Variants in BEND2 observed in about 807,000 individuals in gnomAD.
BEND2 encodes the protein BEN domain-containing protein 2.
BEND2 carries 19 observed loss-of-function variants against 43.8 expected under a neutral mutation model. The ratio of observed to expected loss-of-function variants is 0.43; its 90% CI spans 0.30 to 0.64. The LOEUF (loss-of-function observed/expected upper bound fraction) is 0.64. Ranked by LOEUF, BEND2 falls within the 30% of genes least tolerant of loss-of-function variation. The pLI is 0.11. For synonymous variants in BEND2, 226 were observed against 210.1 expected, an observed-to-expected ratio of 1.08 and a Z score of -0.66; for missense variants, 544 against 574.0, an observed-to-expected ratio of 0.95 and a Z score of 0.53.
At chrX:18,186,838 G>A (rs977549909) in intron 8 of BEND2, among the ~76,000 whole-genome samples, 1 of 108,878 alleles carries the variant, frequency 9.2e-6, no homozygotes, top group African/African-American at 3.3e-5. Context: ...ATGGGGACAC[G>A]TGCCTGTAGT....
At chrX:18,200,783 G>A (rs1327093415) in intron 6 of BEND2, among the ~76,000 whole-genome samples, 1 of 111,790 alleles carries the variant, frequency 8.9e-6, no homozygotes, top group African/African-American at 3.3e-5. Flanking sequence ...CATCATTGCA[G>A]TGATAGAAAC....
At chrX:18,194,972 A>AACACACACACAC (rs201244726) in intron 7 of BEND2, among the ~76,000 whole-genome samples, 62 of 99,329 alleles carry the variant, frequency 6.2e-4, no homozygotes, top group African/African-American at 2.1e-3. Context: ...CATAGTACTA[A>AACACACACACAC]ACACACACAC....
intron 13 of BEND2, among the ~76,000 whole-genome samples, chrX:18,165,449 TC>T (rs1385416904): frequency 9.0e-6 from 1 of 111,665 alleles, no homozygotes; most frequent in African/African-American, 3.3e-5. Context: ...AGCAACAATC[TC>T]CCATGACCTT....
chrX:18,166,867 G>C (rs1443951700), intron 13 of BEND2, among the ~76,000 whole-genome samples: 2 of 110,931 alleles, frequency 1.8e-5, no homozygotes, highest in Non-Finnish European at 3.8e-5. Context: ...TCCAGCCTGG[G>C]CAACGGGAAT....
intron 6 of BEND2, 90 bp from the exon 7 acceptor site, chrX:18,195,532 G>A (rs1231993554): frequency 4.5e-6 from 4 of 895,529 alleles, no homozygotes; most frequent in Middle Eastern, 3.7e-4. Context: ...TTTCTCGAAC[G>A]AAAGAAAACT....
At chrX:18,183,206 C>T (rs1240987133) in intron 8 of BEND2, among the ~76,000 whole-genome samples, 1 of 109,687 alleles carries the variant, frequency 9.1e-6, no homozygotes, top group African/African-American at 3.3e-5. Flanking sequence ...GACCATTCAC[C>T]AAGACAGACC....
chrX:18,187,964 A>T (rs1337149014), intron 8 of BEND2, among the ~76,000 whole-genome samples: 1 of 110,681 alleles, frequency 9.0e-6, no homozygotes, highest in African/African-American at 3.3e-5. Context: ...AGGGAAATTG[A>T]AAAAAAAATC....
At chrX:18,166,392 G>T (rs182857365) in intron 13 of BEND2, among the ~76,000 whole-genome samples, 4 of 111,690 alleles carry the variant, frequency 3.6e-5, no homozygotes, top group Non-Finnish European at 7.5e-5. Flanking sequence ...GCTACCCTCC[G>T]CAGCTAGTCA....
At chrX:18,181,976 C>T (rs1386918955) in intron 8 of BEND2, among the ~76,000 whole-genome samples, 1 of 111,929 alleles carries the variant, frequency 8.9e-6, no homozygotes, top group Non-Finnish European at 1.9e-5. Context: ...AAACAAGACC[C>T]TCGATTGCCA....
In BEND2 at chrX:18,213,867, T is replaced by C. The variant is rs185263017; in HGVS notation, c.283A>G (p.Ser95Gly). 2.9e-3 allele frequency: 401 copies of C among 137,115 alleles called. 3 individuals are homozygous for C. The highest frequency in any genetic ancestry group is 0.011 in the African/African-American group (360 of 31,334). 11.3% of individuals were successfully genotyped at this position (137,115 alleles called of 1,213,427 possible). A position where few individuals can be genotyped will look rare whatever the true frequency, so the allele number is the denominator to read the frequency against. ...CCAAGAGGTTGAGGCTGCAGTGAGC[T>C]GTGATCATGCCACTGCACTCCAGCC... ...TQAGVQWHDH[S>G]SLQPQPLGLK... The change falls in exon 3 of 14, where the codon AGC (serine) becomes GGC (glycine). Residue 95 changes from serine to glycine, a missense_variant. Ser to Gly is a moderately conservative substitution (Grantham distance 56). This residue lies in a region of BEND2 where 501 missense variants were observed against 501.6 expected (regional missense o/e 1.00). Transcript: ENST00000380033.
chrX:18,185,941 C>T (rs1924555788), intron 8 of BEND2, among the ~76,000 whole-genome samples: 1 of 111,261 alleles, frequency 9.0e-6, no homozygotes, highest in Non-Finnish European at 1.9e-5. Flanking sequence ...CAGATTTCAT[C>T]AACACCAGAC....
chrX:18,176,126 G>A, intron 10 of BEND2, 33 bp from the exon 11 acceptor site: 9 of 1,150,067 alleles, frequency 7.8e-6, no homozygotes, highest in Middle Eastern at 2.5e-4. Context: ...ACGAAAATTA[G>A]AAAAAAAAAT....
rs150027955 is a variant in BEND2 at position 18,202,104 on chromosome X, A to G, written c.908-164T>C. ...AGACTTACCCTTAAAGAAAGGTTAAAGAAAACTCCTCAATCAAAAAAAGAA... is the reference window on the plus strand; with the variant it reads ...AGACTTACCCTTAAAGAAAGGTTAAGGAAAACTCCTCAATCAAAAAAAGAA... On this transcript the variant is annotated intron_variant, in intron 5 of 13. Transcript: ENST00000380033. Among the ~76,000 whole-genome samples the G allele has an allele frequency of 7.1e-3, 792 of 111,987 alleles. 3 individuals carry two copies. The highest frequency in any genetic ancestry group is 0.012 in the Non-Finnish European group (628 of 53,230).
chrX:18,179,463 C>T (rs773269373), intron 9 of BEND2, among the ~76,000 whole-genome samples: 4 of 110,807 alleles, frequency 3.6e-5, no homozygotes, highest in East Asian at 2.8e-4. Context: ...CGTGCCCAGC[C>T]GAGACCACAA....
intron 8 of BEND2, among the ~76,000 whole-genome samples, chrX:18,181,791 C>CTT (rs1924394848): frequency 9.0e-6 from 1 of 110,903 alleles, no homozygotes; most frequent in South Asian, 3.8e-4. Flanking sequence ...AGATGGAATA[C>CTT]TTAAAATGTT....
intron 5 of BEND2, among the ~76,000 whole-genome samples, chrX:18,202,669 T>C (rs945216037): frequency 1.8e-5 from 2 of 112,114 alleles, no homozygotes; most frequent in Non-Finnish European, 3.8e-5. Context: ...ACCCAGTCTA[T>C]GGTATTTTGT....
chrX:18,168,907 A>G (rs888632771), intron 13 of BEND2, among the ~76,000 whole-genome samples: 4 of 111,996 alleles, frequency 3.6e-5, no homozygotes, highest in Admixed American at 1.9e-4. Flanking sequence ...GATCTCAAAA[A>G]CATAATGTTG....
chrX:18,174,328 C>A (rs947379931), intron 11 of BEND2, 70 bp from the exon 12 acceptor site: 18 of 970,786 alleles, frequency 1.9e-5, no homozygotes, highest in Non-Finnish European at 2.5e-5. Context: ...GCTCTACCAC[C>A]TACCAGGCCC....
At chrX:18,197,086 T>G (rs183020777) in intron 6 of BEND2, among the ~76,000 whole-genome samples, 44 of 112,493 alleles carry the variant, frequency 3.9e-4, no homozygotes, top group African/African-American at 1.3e-3. Flanking sequence ...GGGTAAAGCA[T>G]AAAGGGGATC....
Sources: allele counts gnomAD v4.1 joint callset (sites outside exome capture counted in the v4.1 genomes callset), GRCh38; gene constraint gnomAD v4.1.1; regional missense constraint gnomAD v4.1.1; transcripts MANE v1.5; gene names NCBI Gene and HGNC (gene_info 2026-07-23, HGNC 2026-07-21).